Variants in SORCS2 observed in about 807,000 individuals in gnomAD.
SORCS2 encodes the protein sortilin related VPS10 domain containing receptor 2.
SORCS2 carries 100 observed loss-of-function variants against 141.6 expected under a neutral mutation model. The ratio of observed to expected loss-of-function variants is 0.71; its 90% CI spans 0.60 to 0.83. The LOEUF is 0.83. Ranked by LOEUF, SORCS2 falls within the 40% of genes least tolerant of loss-of-function variation. The pLI is 0.00. For missense variants in SORCS2, 1,646 were observed against 1,560.2 expected (o/e 1.05, Z -0.93); for synonymous variants, 789 against 676.9 (o/e 1.17, Z -2.57).
At chr4:7,465,360 T>C (rs1440315741) in intron 2 of SORCS2, among the ~76,000 whole-genome samples, 1 of 152,222 alleles carries the variant, frequency 6.6e-6, no homozygotes, top group African/African-American at 2.4e-5. Context: ...TCTTTATATG[T>C]AAAATATGTG....
intron 14 of SORCS2, among the ~76,000 whole-genome samples, chr4:7,707,137 C>T (rs1577099123): frequency 6.6e-6 from 1 of 152,202 alleles, no homozygotes; most frequent in Admixed American, 6.5e-5. Flanking sequence ...AGAGGTGGGA[C>T]CCCCTATGAG....
chr4:7,446,670 G>T (rs1320555168), intron 2 of SORCS2, among the ~76,000 whole-genome samples: 1 of 152,150 alleles, frequency 6.6e-6, no homozygotes, highest in Non-Finnish European at 1.5e-5. Context: ...CTTGAGTGCA[G>T]GGGCCATGCT....
intron 2 of SORCS2, among the ~76,000 whole-genome samples, chr4:7,396,731 A>C (rs891455284): frequency 4.6e-5 from 7 of 152,112 alleles, no homozygotes; most frequent in Non-Finnish European, 8.8e-5. Context: ...GAGCCCACCA[A>C]AGGCTCTGAT....
intron 2 of SORCS2, among the ~76,000 whole-genome samples, chr4:7,442,725 C>A (rs1315523847): frequency 1.3e-5 from 2 of 150,276 alleles, no homozygotes; most frequent in African/African-American, 2.5e-5. Context: ...GAGAGCAGCA[C>A]CCCCAGCCCA....
At chr4:7,433,283 C>A (rs78599329) in intron 2 of SORCS2, 2 of 1,357,152 alleles carry the variant, frequency 1.5e-6, no homozygotes, top group South Asian at 2.3e-5. Flanking sequence ...ATGGGCCTCG[C>A]TAGCAGGCTC....
At chr4:7,326,051 G>A (rs933457530) in intron 1 of SORCS2, among the ~76,000 whole-genome samples, 5 of 152,132 alleles carry the variant, frequency 3.3e-5, no homozygotes, top group African/African-American at 1.2e-4. Flanking sequence ...AGGGAATGGG[G>A]CAGCAGGGAA....
At chr4:7,672,000 G>A (rs1722829155) in intron 8 of SORCS2, among the ~76,000 whole-genome samples, 1 of 147,672 alleles carries the variant, frequency 6.8e-6, no homozygotes, top group Non-Finnish European at 1.5e-5. Context: ...CTGGAGTTCA[G>A]TGGTACAATC....
At chr4:7,433,068 T>G in intron 2 of SORCS2, 1 of 349,004 alleles carries the variant, frequency 2.9e-6, no homozygotes. Flanking sequence ...CAGCCTTGGC[T>G]GGGTCAGGGA....
intron 1 of SORCS2, among the ~76,000 whole-genome samples, chr4:7,379,148 G>T (rs899116316): frequency 6.6e-6 from 1 of 152,202 alleles, no homozygotes; most frequent in Non-Finnish European, 1.5e-5. Flanking sequence ...GTTGGAGGGA[G>T]GCACATCCGA....
chr4:7,677,947 G>C (rs758374378), intron 9 of SORCS2, among the ~76,000 whole-genome samples: 2 of 152,168 alleles, frequency 1.3e-5, no homozygotes, highest in Non-Finnish European at 2.9e-5. Flanking sequence ...CAGTGGGTGG[G>C]TGGTGATGGG....
intron 2 of SORCS2, among the ~76,000 whole-genome samples, chr4:7,510,496 A>G (rs1732552915): frequency 8.7e-6 from 1 of 114,820 alleles, no homozygotes; most frequent in South Asian, 2.9e-4. Context: ...CCAGGTCCCC[A>G]GAGGACAGCG....
chr4:7,453,670 T>C (rs1310746782), intron 2 of SORCS2, among the ~76,000 whole-genome samples: 3 of 104,854 alleles, frequency 2.9e-5, no homozygotes, highest in Middle Eastern at 7.7e-3. Context: ...AGCTGTGTGT[T>C]GGGTTCAGGT....
intron 4 of SORCS2, among the ~76,000 whole-genome samples, chr4:7,639,935 GTC>G (rs761128490): frequency 2.1e-3 from 34 of 16,138 alleles, no homozygotes; most frequent in East Asian, 0.025. Context: ...GTGAGAATAT[GTC>G]TGTGTTTGTG....
At chr4:7,461,006 G>A (rs1286326892) in intron 2 of SORCS2, among the ~76,000 whole-genome samples, 1 of 152,048 alleles carries the variant, frequency 6.6e-6, no homozygotes, top group Non-Finnish European at 1.5e-5. Flanking sequence ...CTTGCCACCT[G>A]CTGCCCGGGG....
At chr4:7,330,520 G>T (rs934406682) in intron 1 of SORCS2, among the ~76,000 whole-genome samples, 16 of 151,608 alleles carry the variant, frequency 1.1e-4, no homozygotes, top group African/African-American at 9.7e-5. Flanking sequence ...GAGCGAGTCT[G>T]TGTCACCCTG....
At chr4:7,477,826 T>A (rs1182252804) in intron 2 of SORCS2, among the ~76,000 whole-genome samples, 1 of 152,150 alleles carries the variant, frequency 6.6e-6, no homozygotes, top group Admixed American at 6.5e-5. Context: ...AGACTGGGCT[T>A]AATTGCTGGA....
At chr4:7,291,334 C>T (rs575884349) in intron 1 of SORCS2, among the ~76,000 whole-genome samples, 49 of 152,260 alleles carry the variant, frequency 3.2e-4, no homozygotes, top group East Asian at 3.9e-4. Context: ...CAGGTGCAGA[C>T]GGGCCACGGA....
At chr4:7,293,752 C>A (rs958118574) in intron 1 of SORCS2, among the ~76,000 whole-genome samples, 2 of 152,196 alleles carry the variant, frequency 1.3e-5, no homozygotes, top group African/African-American at 4.8e-5. Flanking sequence ...TGGTGCCCAG[C>A]GATGTGCAGC....
intron 2 of SORCS2, among the ~76,000 whole-genome samples, chr4:7,435,266 G>A (rs927657308): frequency 7.9e-5 from 12 of 152,062 alleles, no homozygotes; most frequent in Non-Finnish European, 1.3e-4. Flanking sequence ...TGTGGCCTGG[G>A]TCCCCTCCTG....
Sources: gnomAD v4.1 joint callset for allele counts (sites outside exome capture counted in the v4.1 genomes callset) on GRCh38, gnomAD v4.1.1 for gene constraint, MANE v1.5 for transcripts, NCBI Gene and HGNC (gene_info 2026-07-23, HGNC 2026-07-21) for gene names.